The following SCLT1 variants were observed in gnomAD, a reference collection of about 807,000 sequenced individuals.
The protein encoded by SCLT1 is sodium channel and clathrin linker 1, also known as sodium channel-associated protein 1.
Under a neutral mutation model 112.8 loss-of-function variants are expected in SCLT1, and 78 were observed. That is an observed-to-expected ratio of 0.69 (90% CI 0.58 to 0.83). SCLT1 has a LOEUF of 0.83. SCLT1 is among the 40% of genes least tolerant of loss of function. The pLI, the probability that SCLT1 is intolerant of heterozygous loss-of-function variation, is 0.00. For missense variants in SCLT1, 747 were observed against 770.4 expected (o/e 0.97, Z 0.36); for synonymous variants, 257 against 254.7 (o/e 1.01, Z -0.09).
At chr4:129,085,592 A>C (rs1752323074) in intron 1 of SCLT1, among the ~76,000 whole-genome samples, 1 of 152,214 alleles carries the variant, frequency 6.6e-6, no homozygotes, top group African/African-American at 2.4e-5. Flanking sequence ...TATCCACAAG[A>C]GTAAAGACAT....
intron 9 of SCLT1, among the ~76,000 whole-genome samples, chr4:128,982,652 T>A (rs898472972): frequency 1.3e-5 from 2 of 151,626 alleles, no homozygotes; most frequent in Non-Finnish European, 2.9e-5. Context: ...CAGGCTCCCA[T>A]CACCATGCCC....
chr4:128,974,589 T>C (rs1579562834), intron 9 of SCLT1, among the ~76,000 whole-genome samples: 1 of 152,306 alleles, frequency 6.6e-6, no homozygotes, highest in Middle Eastern at 3.4e-3. Flanking sequence ...GTTCTTTTTC[T>C]GGCTGCACAA....
intron 18 of SCLT1, among the ~76,000 whole-genome samples, chr4:128,899,906 GA>G (rs1291972302): frequency 6.6e-6 from 1 of 152,100 alleles, no homozygotes; most frequent in African/African-American, 2.4e-5. Flanking sequence ...GCCAAATCAT[GA>G]GTGAACTCCC....
chr4:128,875,845 A>C (rs1354355767), intron 4 of SCLT1, among the ~76,000 whole-genome samples: 1 of 152,206 alleles, frequency 6.6e-6, no homozygotes, highest in Non-Finnish European at 1.5e-5. Flanking sequence ...AATAATTTTT[A>C]AAAATAATTT....
intron 18 of SCLT1, among the ~76,000 whole-genome samples, chr4:128,894,136 T>C (rs1341409049): frequency 3.3e-5 from 5 of 151,808 alleles, no homozygotes; most frequent in Non-Finnish European, 7.4e-5. Flanking sequence ...GAGATAGGGT[T>C]TTACCATATT....
chr4:129,084,521 C>A (rs1365451582), intron 1 of SCLT1, among the ~76,000 whole-genome samples: 1 of 151,996 alleles, frequency 6.6e-6, no homozygotes, highest in Admixed American at 6.6e-5. Context: ...CTGGAAAAAA[C>A]TTTAAAATTC....
At chr4:128,987,315 A>G (rs1452762475) in intron 9 of SCLT1, among the ~76,000 whole-genome samples, 1 of 152,204 alleles carries the variant, frequency 6.6e-6, no homozygotes, top group Non-Finnish European at 1.5e-5. Context: ...CACGAAGAAC[A>G]TCCAGAAAAA....
intron 9 of SCLT1, among the ~76,000 whole-genome samples, chr4:128,973,242 A>G (rs1364168619): frequency 6.6e-6 from 1 of 152,116 alleles, no homozygotes. Context: ...CTGTATTGTA[A>G]TCAATACTAT....
chr4:129,049,702 T>C (rs1748574075), intron 2 of SCLT1, among the ~76,000 whole-genome samples: 1 of 152,086 alleles, frequency 6.6e-6, no homozygotes. Flanking sequence ...ATTTCTTTTT[T>C]TTTTATTTGC....
intron 12 of SCLT1, among the ~76,000 whole-genome samples, chr4:128,957,481 C>G (rs184184326): frequency 6.6e-6 from 1 of 152,200 alleles, no homozygotes; most frequent in Non-Finnish European, 1.5e-5. Flanking sequence ...TTGAATTTCT[C>G]TCTCTTTCCA....
At chr4:129,012,446 T>C (rs530473536) in intron 5 of SCLT1, among the ~76,000 whole-genome samples, 2 of 152,344 alleles carry the variant, frequency 1.3e-5, no homozygotes, top group South Asian at 2.1e-4. Flanking sequence ...GATTACGTGA[T>C]TGATTTTAGA....
chr4:129,086,083 A>C (rs996143666), intron 1 of SCLT1, among the ~76,000 whole-genome samples: 8 of 152,070 alleles, frequency 5.3e-5, no homozygotes, highest in Admixed American at 5.2e-4. Flanking sequence ...TCCCTGACAG[A>C]GTTTTCAATT....
At chr4:128,990,430 G>A (rs1489073925) in intron 9 of SCLT1, among the ~76,000 whole-genome samples, 1 of 151,740 alleles carries the variant, frequency 6.6e-6, no homozygotes, top group Admixed American at 6.6e-5. Context: ...CTGGGTATAG[G>A]AGAAACATAT....
chr4:128,958,458 G>C (rs1043125067), intron 12 of SCLT1, among the ~76,000 whole-genome samples: 1 of 152,158 alleles, frequency 6.6e-6, no homozygotes, highest in Non-Finnish European at 1.5e-5. Flanking sequence ...TGTAACCATA[G>C]ACAGCCTCTG....
chr4:129,051,034 T>TA (rs149026529), intron 2 of SCLT1, among the ~76,000 whole-genome samples: 40,972 of 151,940 alleles, frequency 0.27, 5,906 homozygotes, highest in South Asian at 0.36. Flanking sequence ...CAGATGGTTG[T>TA]AGATGTGTGG....
chr4:129,005,872 T>C lies in SCLT1; in HGVS notation c.291-1996A>G, dbSNP rs1179072788. On this transcript the variant is annotated intron_variant, in intron 5 of 20. Coordinates refer to ENST00000281142, the MANE Select transcript of SCLT1 (RefSeq NM_144643.4). The stretch of plus-strand genomic sequence containing the variant: ...TGAGTTCATGTCCTTTGTAGGGACA[T>C]GGATGAAATTGGAAATCATCACTCT... 2.0e-5 allele frequency among the ~76,000 whole-genome samples: 3 copies of C among 151,382 alleles called. No individual in the cohort carries two copies. The South Asian group carries it at 6.3e-4, about 32-fold the overall frequency.
chr4:128,959,692 A>C lies in SCLT1; in HGVS notation c.955T>G (p.Cys319Gly), dbSNP rs1049473541. ...TATCTCTCATTTTCTAATTCATTGC[A>C]CTTTGCTTGTAGCTCTCTGGTCTGT... is the stretch of plus-strand genomic sequence containing the variant. ...EKQTRELQAK[C>G]NELENERYEA... Residue 319 changes from cysteine to glycine, a missense_variant, in exon 12 of 21, where the codon TGC (cysteine) becomes GGC (glycine). Cys to Gly is a radical substitution (Grantham distance 159). This residue lies in a region of SCLT1 where 723 missense variants were observed against 721.3 expected (regional missense o/e 1.00). Coordinates refer to ENST00000281142, the MANE Select transcript of SCLT1 (RefSeq NM_144643.4). The C allele has an allele frequency of 8.1e-6, 13 of 1,613,250 alleles. No homozygotes were observed. Among genetic ancestry groups the C allele is most frequent in the Admixed American group, 3.3e-5 (2 of 59,988 alleles).
intron 18 of SCLT1, among the ~76,000 whole-genome samples, chr4:128,892,136 T>C (rs1488013880): frequency 6.6e-6 from 1 of 152,232 alleles, no homozygotes; most frequent in Non-Finnish European, 1.5e-5. Context: ...GAAATTATCT[T>C]ACGCACAGAA....
intron 4 of SCLT1, 136 bp from the exon 5 acceptor site, chr4:129,039,232 G>A: frequency 1.4e-5 from 8 of 578,700 alleles, no homozygotes; most frequent in South Asian, 9.7e-5. Flanking sequence ...TTATAACAAA[G>A]GGATAATTAA....
Sources: allele counts gnomAD v4.1 joint callset (sites outside exome capture counted in the v4.1 genomes callset), GRCh38; gene constraint gnomAD v4.1.1; regional missense constraint gnomAD v4.1.1; transcripts MANE v1.5; gene names NCBI Gene and HGNC (gene_info 2026-07-23, HGNC 2026-07-21).